FGD6: variants seen among roughly 807,000 people sequenced by gnomAD.
The protein encoded by FGD6 is FYVE, RhoGEF and PH domain containing 6, also known as FYVE, RhoGEF and PH domain-containing protein 6.
In FGD6, 90 loss-of-function variants were observed where a neutral mutation model predicts 149.4. The observed-to-expected ratio is 0.60, with a 90% CI of 0.51 to 0.72. The LOEUF (loss-of-function observed/expected upper bound fraction) is 0.72, where lower values mean the gene tolerates loss of function less well. Ranked by LOEUF, FGD6 falls within the 30% of genes least tolerant of loss-of-function variation. The pLI, the probability that FGD6 is intolerant of heterozygous loss-of-function variation, is 0.00. For synonymous variants in FGD6, 527 were observed against 584.0 expected (o/e 0.90, Z 1.41); for missense variants, 1,437 against 1,684.8 (o/e 0.85, Z 2.57).
intron 5 of FGD6, among the ~76,000 whole-genome samples, chr12:95,149,988 T>A (rs1031171693): frequency 2.7e-5 from 3 of 110,782 alleles, no homozygotes; most frequent in Non-Finnish European, 5.2e-5. Context: ...ATATATGCTA[T>A]ATATTACACA....
chr12:95,099,014 C>T (rs149579481), intron 14 of FGD6, among the ~76,000 whole-genome samples: 36 of 152,092 alleles, frequency 2.4e-4, no homozygotes, highest in African/African-American at 8.2e-4. Context: ...GGATTACAGG[C>T]GTGTGCCACT....
At chr12:95,098,523 T>C (rs958031077) in intron 14 of FGD6, among the ~76,000 whole-genome samples, 20 of 152,164 alleles carry the variant, frequency 1.3e-4, no homozygotes, top group African/African-American at 4.8e-4. Flanking sequence ...ATTCTTGAGC[T>C]CGTGCCACAC....
chr12:95,092,104 C>T (rs550105152), intron 16 of FGD6, among the ~76,000 whole-genome samples: 1 of 152,240 alleles, frequency 6.6e-6, no homozygotes, highest in East Asian at 1.9e-4. Context: ...ACCTGGCATG[C>T]AAAAAGGCCT....
At chr12:95,133,233 C>T (rs1879574612) in intron 8 of FGD6, among the ~76,000 whole-genome samples, 1 of 152,160 alleles carries the variant, frequency 6.6e-6, no homozygotes, top group South Asian at 2.1e-4. Flanking sequence ...ACCTGGCCAA[C>T]ATGGTGAAAC....
chr12:95,191,087 T>C (rs1473521558), intron 2 of FGD6, among the ~76,000 whole-genome samples: 1 of 152,212 alleles, frequency 6.6e-6, no homozygotes, highest in Non-Finnish European at 1.5e-5. Flanking sequence ...TTTTAAGTGA[T>C]ACATCTTCTT....
At chr12:95,134,151 T>A (rs1429330631) in intron 8 of FGD6, among the ~76,000 whole-genome samples, 3 of 152,150 alleles carry the variant, frequency 2.0e-5, no homozygotes, top group Non-Finnish European at 4.4e-5. Flanking sequence ...CTGTTTTTTT[T>A]AGACAGGGGT....
At chr12:95,094,818 A>G (rs1878185448) in intron 14 of FGD6, 124 bp from the exon 15 acceptor site, 5 of 682,698 alleles carry the variant, frequency 7.3e-6, no homozygotes, top group Non-Finnish European at 1.0e-5. Context: ...AAAAAGTAGC[A>G]ACTCCTCAGA....
chr12:95,214,564 T>A (rs911006413), intron 1 of FGD6, among the ~76,000 whole-genome samples: 2 of 152,246 alleles, frequency 1.3e-5, no homozygotes, highest in African/African-American at 4.8e-5. Flanking sequence ...ATCTTAATAC[T>A]GCATCAACAG....
At chr12:95,105,224 C>T (rs1878574052) in intron 13 of FGD6, 138 bp from the exon 14 acceptor site, 1 of 713,054 alleles carries the variant, frequency 1.4e-6, no homozygotes, top group South Asian at 1.8e-5. Flanking sequence ...TGTTCTCCTT[C>T]ATCTACTCTA....
At chr12:95,172,038 G>GTA (rs1555221385) in intron 3 of FGD6, among the ~76,000 whole-genome samples, 23 of 136,650 alleles carry the variant, frequency 1.7e-4, no homozygotes, top group Non-Finnish European at 2.8e-4. Flanking sequence ...AATTCTAAGG[G>GTA]GGGGGGGGTT....
chr12:95,150,921 C>T (rs1880292149), intron 5 of FGD6, among the ~76,000 whole-genome samples: 1 of 151,974 alleles, frequency 6.6e-6, no homozygotes, highest in Non-Finnish European at 1.5e-5. Context: ...ATGGCTAAAA[C>T]CCATCTCCAC....
chr12:95,217,357 C>G lies in FGD6; in HGVS notation c.-117G>C. 1.5e-6 allele frequency: 2 copies of G among 1,363,292 alleles called. No homozygotes were observed. The highest frequency in any genetic ancestry group is 1.9e-6 in the Non-Finnish European group (2 of 1,034,082). 84.4% of individuals were successfully genotyped at this position (1,363,292 alleles called of 1,614,324 possible). A position where few individuals can be genotyped will look rare whatever the true frequency, so the allele number is the denominator to read the frequency against. ...AGCCCCCGCAGCGCCCACATTCCGTCCCGCCGCCCCGCGGCGCAGCCTGAG... is the reference window on the plus strand; with the variant it reads ...AGCCCCCGCAGCGCCCACATTCCGTGCCGCCGCCCCGCGGCGCAGCCTGAG... On this transcript the variant is annotated 5_prime_UTR_variant, in exon 1 of 21. Coordinates refer to ENST00000343958, the MANE Select transcript of FGD6 (RefSeq NM_018351.4).
chr12:95,139,764 G>C (rs1027370616), intron 6 of FGD6, among the ~76,000 whole-genome samples: 1 of 151,340 alleles, frequency 6.6e-6, no homozygotes, highest in African/African-American at 2.4e-5. Flanking sequence ...AGCCTCCCGA[G>C]TAGTTGGGAT....
At chr12:95,167,747 G>A (rs1164871967) in intron 3 of FGD6, among the ~76,000 whole-genome samples, 3 of 151,716 alleles carry the variant, frequency 2.0e-5, no homozygotes, top group Admixed American at 2.0e-4. Flanking sequence ...GCTAATTTTT[G>A]TATTTTTAGT....
intron 2 of FGD6, among the ~76,000 whole-genome samples, chr12:95,181,244 C>G (rs1881274958): frequency 6.6e-6 from 1 of 152,212 alleles, no homozygotes; most frequent in Non-Finnish European, 1.5e-5. Context: ...GACTACGTCA[C>G]AGTGAACAGC....
At chr12:95,174,800 C>T (rs1490912633) in intron 2 of FGD6, among the ~76,000 whole-genome samples, 4 of 151,638 alleles carry the variant, frequency 2.6e-5, no homozygotes, top group Non-Finnish European at 4.4e-5. Flanking sequence ...TGGTGGAGGG[C>T]GCCTGTAGTC....
At chr12:95,157,726 T>G (rs1880513617) in intron 3 of FGD6, among the ~76,000 whole-genome samples, 1 of 152,158 alleles carries the variant, frequency 6.6e-6, no homozygotes, top group South Asian at 2.1e-4. Context: ...TTACCTTAGC[T>G]CTCAAACTCT....
chr12:95,213,213 C>A (rs2056736815), intron 1 of FGD6, among the ~76,000 whole-genome samples: 1 of 152,170 alleles, frequency 6.6e-6, no homozygotes, highest in Non-Finnish European at 1.5e-5. Context: ...GTACGACTGT[C>A]AAGTTGATTT....
At chr12:95,120,523 C>G (rs911809520) in intron 8 of FGD6, among the ~76,000 whole-genome samples, 1 of 151,618 alleles carries the variant, frequency 6.6e-6, no homozygotes, top group Non-Finnish European at 1.5e-5. Flanking sequence ...CCTGTCTCTA[C>G]TAAAAATACA....
Sources: allele counts gnomAD v4.1 joint callset (sites outside exome capture counted in the v4.1 genomes callset), GRCh38; gene constraint gnomAD v4.1.1; transcripts MANE v1.5; gene names NCBI Gene and HGNC (gene_info 2026-07-23, HGNC 2026-07-21).